ROBO2: variants seen among roughly 807,000 people sequenced by gnomAD.
The protein encoded by ROBO2 is roundabout guidance receptor 2.
In ROBO2, 53 loss-of-function variants were observed where a neutral mutation model predicts 160.8. The ratio of observed to expected loss-of-function variants is 0.33; its 90% CI spans 0.26 to 0.41. The LOEUF is 0.41. Ranked by LOEUF, ROBO2 falls within the 10% of genes least tolerant of loss-of-function variation. ROBO2 has a pLI of 1.00. For synonymous variants in ROBO2, 664 were observed against 611.7 expected (o/e 1.09, Z -1.26); for missense variants, 1,577 against 1,722.4 (o/e 0.92, Z 1.49).
At chr3:76,376,952 T>C (rs1195568282) in intron 2 of ROBO2, among the ~76,000 whole-genome samples, 1 of 152,126 alleles carries the variant, frequency 6.6e-6, no homozygotes, top group East Asian at 1.9e-4. Flanking sequence ...TTCTGGGTGT[T>C]GCTAAAGGTC....
intron 2 of ROBO2, among the ~76,000 whole-genome samples, chr3:76,991,544 G>A (rs2060664516): frequency 6.6e-6 from 1 of 152,144 alleles, no homozygotes. Context: ...CAACGCTGTT[G>A]TGTGTTGTTT....
At chr3:76,806,770 G>A (rs2064756456) in intron 2 of ROBO2, among the ~76,000 whole-genome samples, 1 of 151,980 alleles carries the variant, frequency 6.6e-6, no homozygotes, top group Non-Finnish European at 1.5e-5. Context: ...ACTTCTCTAA[G>A]TTGCACTATA....
intron 2 of ROBO2, among the ~76,000 whole-genome samples, chr3:76,954,691 A>C (rs2079143927): frequency 1.3e-5 from 2 of 152,336 alleles, no homozygotes; most frequent in South Asian, 4.1e-4. Flanking sequence ...AAAGTTTCCC[A>C]TGGTTTTCAG....
At chr3:77,418,612 A>G (rs578029187) in intron 2 of ROBO2, among the ~76,000 whole-genome samples, 1 of 152,222 alleles carries the variant, frequency 6.6e-6, no homozygotes, top group African/African-American at 2.4e-5. Context: ...TGTGATTCAT[A>G]CATTCATATG....
chr3:76,143,767 C>T (rs1193707107), intron 2 of ROBO2, among the ~76,000 whole-genome samples: 7 of 152,010 alleles, frequency 4.6e-5, no homozygotes, highest in Non-Finnish European at 1.0e-4. Context: ...CTGGGTCACA[C>T]AGTTACTGAG....
intron 2 of ROBO2, among the ~76,000 whole-genome samples, chr3:75,942,929 G>A (rs2107097127): frequency 6.6e-6 from 1 of 152,226 alleles, no homozygotes; most frequent in East Asian, 1.9e-4. Context: ...GCCTTTTTAT[G>A]CAGTCTGCAT....
At chr3:77,418,641 T>A (rs1448003091) in intron 2 of ROBO2, among the ~76,000 whole-genome samples, 3 of 152,072 alleles carry the variant, frequency 2.0e-5, no homozygotes, top group Non-Finnish European at 4.4e-5. Context: ...CTTACCCAAA[T>A]CTCCATTTTA....
At chr3:76,118,348 A>C (rs1362692187) in intron 2 of ROBO2, among the ~76,000 whole-genome samples, 3 of 152,190 alleles carry the variant, frequency 2.0e-5, no homozygotes, top group Admixed American at 2.0e-4. Flanking sequence ...CCATGTGTCC[A>C]ACTGTTATCT....
intron 22 of ROBO2, 51 bp downstream of exon 23, chr3:77,617,824 T>G (rs2153703131): frequency 6.3e-7 from 1 of 1,597,744 alleles, no homozygotes; most frequent in Non-Finnish European, 8.5e-7. Context: ...ACATGGAAAT[T>G]TTTTTCAGAA....
chr3:76,640,392 G>C (rs964358361), intron 2 of ROBO2, among the ~76,000 whole-genome samples: 2 of 152,046 alleles, frequency 1.3e-5, no homozygotes, highest in Non-Finnish European at 2.9e-5. Flanking sequence ...TTAGTCAGGC[G>C]TGGTGGCAGA....
intron 2 of ROBO2, among the ~76,000 whole-genome samples, chr3:76,294,290 C>A (rs1200591344): frequency 1.3e-5 from 2 of 152,098 alleles, no homozygotes; most frequent in African/African-American, 4.8e-5. Flanking sequence ...GGCAGGGCTC[C>A]CACCCTTCCA....
intron 2 of ROBO2, among the ~76,000 whole-genome samples, chr3:76,492,071 C>T (rs768325680): frequency 1.6e-4 from 24 of 152,016 alleles, no homozygotes; most frequent in Admixed American, 4.6e-4. Flanking sequence ...GAGCTGAGAT[C>T]GTGCCACTGC....
intron 2 of ROBO2, among the ~76,000 whole-genome samples, chr3:76,100,120 C>A (rs2069621586): frequency 6.6e-6 from 1 of 152,130 alleles, no homozygotes; most frequent in Non-Finnish European, 1.5e-5. Flanking sequence ...AATTGTTTAT[C>A]ATTCAATTCC....
At chr3:76,061,217 G>A (rs930289517) in intron 2 of ROBO2, among the ~76,000 whole-genome samples, 3 of 152,110 alleles carry the variant, frequency 2.0e-5, no homozygotes, top group Non-Finnish European at 4.4e-5. Context: ...AATTTTAGAG[G>A]CTGGAATTGT....
chr3:76,342,625 C>T (rs2074296605), intron 2 of ROBO2, among the ~76,000 whole-genome samples: 1 of 152,090 alleles, frequency 6.6e-6, no homozygotes. Context: ...TGTATATATC[C>T]TTACAAATAT....
At chr3:77,617,004 A>T (rs1658452282) in intron 21 of ROBO2, among the ~76,000 whole-genome samples, 1 of 152,228 alleles carries the variant, frequency 6.6e-6, no homozygotes, top group African/African-American at 2.4e-5. Flanking sequence ...AATCAAAGAG[A>T]TACTGAATGC....
chr3:76,925,172 C>T (rs887009017), intron 2 of ROBO2, among the ~76,000 whole-genome samples: 1 of 144,534 alleles, frequency 6.9e-6, no homozygotes, highest in African/African-American at 2.6e-5. Context: ...GATCCCGCCA[C>T]TGCACTCCAG....
rs1029604698 is a variant in ROBO2, at chr3:77,186,345, A to G, written c.388+88005A>G. 2.0e-5 allele frequency among the ~76,000 whole-genome samples: 3 copies of G among 151,992 alleles called. No homozygotes were observed. The East Asian group carries it at 5.8e-4, about 29-fold the overall frequency. Reference sequence around the variant, plus strand: ...TGTAAAGAGCAAATTCTATAGATTAATAACTTTAGATTCTAACTGGTAACA... The same window carrying G: ...TGTAAAGAGCAAATTCTATAGATTAGTAACTTTAGATTCTAACTGGTAACA... On this transcript the variant is annotated intron_variant, in intron 2 of 25. Coordinates refer to ENST00000461745, the Ensembl canonical transcript of ROBO2.
intron 2 of ROBO2, among the ~76,000 whole-genome samples, chr3:77,133,775 G>A (rs1354335253): frequency 6.6e-6 from 1 of 152,126 alleles, no homozygotes; most frequent in Non-Finnish European, 1.5e-5. Flanking sequence ...ACAAAATATA[G>A]TAATTTTTAG....
Sources: allele counts gnomAD v4.1 joint callset (sites outside exome capture counted in the v4.1 genomes callset), GRCh38; gene constraint gnomAD v4.1.1; transcripts MANE v1.5; gene names NCBI Gene and HGNC (gene_info 2026-07-23, HGNC 2026-07-21).